The following HS3ST4 variants were observed in gnomAD, a reference collection of about 807,000 sequenced individuals.
HS3ST4 encodes heparan sulfate glucosamine 3-O-sulfotransferase 4.
Under a neutral mutation model 29.2 loss-of-function variants are expected in HS3ST4, and 17 were observed. That is an observed-to-expected ratio of 0.58 (90% CI 0.40 to 0.87). The LOEUF is 0.87. HS3ST4 is among the 40% of genes least tolerant of loss of function. The pLI is 0.00. For missense variants in HS3ST4, 627 were observed against 634.5 expected (o/e 0.99, Z 0.13); for synonymous variants, 314 against 285.7 (o/e 1.10, Z -1.00).
chr16:25,799,220 C>T (rs1253824543), intron 1 of HS3ST4, among the ~76,000 whole-genome samples: 1 of 152,180 alleles, frequency 6.6e-6, no homozygotes, highest in African/African-American at 2.4e-5. Context: ...TTCCATGCCA[C>T]CCACATTCAA....
intron 1 of HS3ST4, among the ~76,000 whole-genome samples, chr16:26,125,553 G>C (rs1282602672): frequency 6.6e-6 from 1 of 152,224 alleles, no homozygotes; most frequent in Admixed American, 6.5e-5. Flanking sequence ...CCAGCGGTTG[G>C]GGACCCCTGC....
At chr16:25,835,530 T>C (rs1007458749) in intron 1 of HS3ST4, among the ~76,000 whole-genome samples, 1 of 152,156 alleles carries the variant, frequency 6.6e-6, no homozygotes. Context: ...GATTGAGCAT[T>C]GTACCTACCA....
chr16:25,994,827 T>C (rs998561581), intron 1 of HS3ST4, among the ~76,000 whole-genome samples: 1 of 152,236 alleles, frequency 6.6e-6, no homozygotes, highest in Admixed American at 6.5e-5. Flanking sequence ...AGAATTATGC[T>C]TTCTTGCCTG....
rs569426907 is a variant in HS3ST4 at position 25,746,552 on chromosome 16, T to C, written c.734+53401T>C. Reference sequence around the variant, plus strand: ...AGTTGATGCCAGCCATCACAATTGGTTGGTTTTTTTTTTTTTTTAGACGGA... The same window carrying C: ...AGTTGATGCCAGCCATCACAATTGGCTGGTTTTTTTTTTTTTTTAGACGGA... On this transcript the variant is annotated intron_variant, in intron 1 of 1. Transcript: ENST00000331351. Among the ~76,000 whole-genome samples the C allele has an allele frequency of 7.7e-5, 11 of 142,216 alleles. No homozygotes were observed. In the East Asian group the frequency reaches 2.1e-3, roughly 27 times the overall value. 93.3% of individuals were successfully genotyped at this position (142,216 alleles called of 152,430 possible). A position where few individuals can be genotyped will look rare whatever the true frequency, so the allele number is the denominator to read the frequency against.
Position 25,871,185 on chromosome 16 carries a change from A to G in HS3ST4, c.734+178034A>G, listed in dbSNP as rs982697837. Among the ~76,000 whole-genome samples, 8 of 152,204 alleles carry G rather than the reference A, an allele frequency of 5.3e-5. No individual in the cohort carries two copies. The South Asian group carries it at 1.4e-3, about 28-fold the overall frequency. On this transcript the variant is annotated intron_variant, in intron 1 of 1. Coordinates refer to ENST00000331351, the MANE Select transcript of HS3ST4 (RefSeq NM_006040.3). ...CAGCGGGGTGATGGAGGTGGCAGGGACAGTCTTCAAGTTGCAACACAGGTC... is the reference window on the plus strand; with the variant it reads ...CAGCGGGGTGATGGAGGTGGCAGGGGCAGTCTTCAAGTTGCAACACAGGTC...
At chr16:25,828,300 C>CA (rs1567249517) in intron 1 of HS3ST4, among the ~76,000 whole-genome samples, 2 of 56,802 alleles carry the variant, frequency 3.5e-5, no homozygotes, top group East Asian at 4.4e-4. Flanking sequence ...TTCTTTCTTT[C>CA]CCTCTCTCTC....
chr16:25,987,049 C>A (rs1969071198), intron 1 of HS3ST4, among the ~76,000 whole-genome samples: 1 of 152,210 alleles, frequency 6.6e-6, no homozygotes, highest in Non-Finnish European at 1.5e-5. Flanking sequence ...GCCCAGGTAG[C>A]CCATTAAAGC....
intron 1 of HS3ST4, among the ~76,000 whole-genome samples, chr16:25,786,311 C>G (rs915492251): frequency 3.4e-4 from 52 of 152,238 alleles, no homozygotes; most frequent in African/African-American, 1.3e-3. Flanking sequence ...AGTCCATGCT[C>G]TGAAACTGAC....
At chr16:26,023,417 TA>T (rs1461895682) in intron 1 of HS3ST4, among the ~76,000 whole-genome samples, 1 of 151,974 alleles carries the variant, frequency 6.6e-6, no homozygotes, top group African/African-American at 2.4e-5. Flanking sequence ...ATTTTTTTTT[TA>T]AGACAGGGTC....
chr16:25,822,253 G>T (rs1167834708), intron 1 of HS3ST4, among the ~76,000 whole-genome samples: 4 of 152,086 alleles, frequency 2.6e-5, no homozygotes, highest in African/African-American at 9.7e-5. Flanking sequence ...CTGGTGTCTG[G>T]TGAGAGCCTG....
chr16:26,026,672 C>A (rs1969477571), intron 1 of HS3ST4, among the ~76,000 whole-genome samples: 1 of 152,172 alleles, frequency 6.6e-6, no homozygotes, highest in Non-Finnish European at 1.5e-5. Context: ...AGCTCCCCAG[C>A]TGATTTCTGC....
At chr16:26,084,780 A>C (rs1015842112) in intron 1 of HS3ST4, among the ~76,000 whole-genome samples, 1 of 150,842 alleles carries the variant, frequency 6.6e-6, no homozygotes, top group Non-Finnish European at 1.5e-5. Context: ...TTTTTTTTTT[A>C]ATTTTATTTT....
At chr16:25,837,027 T>G (rs1020003952) in intron 1 of HS3ST4, among the ~76,000 whole-genome samples, 1 of 152,194 alleles carries the variant, frequency 6.6e-6, no homozygotes, top group Non-Finnish European at 1.5e-5. Flanking sequence ...CCCCAGATCT[T>G]TCCAGGTCAG....
chr16:25,774,589 A>T (rs1355824524), intron 1 of HS3ST4, among the ~76,000 whole-genome samples: 2 of 152,192 alleles, frequency 1.3e-5, no homozygotes, highest in Non-Finnish European at 2.9e-5. Flanking sequence ...GTTACTTATT[A>T]ATATGTCTAT....
rs1183550882 is a variant in HS3ST4 at position 26,058,759 on chromosome 16, C to T, written c.735-76853C>T. 2.6e-5 allele frequency among the ~76,000 whole-genome samples: 4 copies of T among 152,236 alleles called. No homozygotes were observed. The South Asian group carries it at 6.2e-4, about 24-fold the overall frequency. On this transcript the variant is annotated intron_variant, in intron 1 of 1. Coordinates refer to ENST00000331351, the MANE Select transcript of HS3ST4 (RefSeq NM_006040.3). ...TCTGGAATCTTGGCTTTGGAAGCGT[C>T]GTCAGAACACCTGACTCAGTCCCTT...
At chr16:26,133,325 C>T (rs1168726920) in intron 1 of HS3ST4, among the ~76,000 whole-genome samples, 1 of 152,078 alleles carries the variant, frequency 6.6e-6, no homozygotes, top group Non-Finnish European at 1.5e-5. Flanking sequence ...TTTGATGAAA[C>T]ATTAAGGGTC....
chr16:25,873,480 C>CTGTCTA (rs1567261515), intron 1 of HS3ST4, among the ~76,000 whole-genome samples: 3 of 69,872 alleles, frequency 4.3e-5, no homozygotes, highest in Non-Finnish European at 3.4e-5. Flanking sequence ...CCATCTATCT[C>CTGTCTA]TCTATCTATC....
chr16:25,724,499 G>A (rs944855595), intron 1 of HS3ST4, among the ~76,000 whole-genome samples: 11 of 151,834 alleles, frequency 7.2e-5, no homozygotes, highest in Admixed American at 3.3e-4. Flanking sequence ...GAGTAGCTGG[G>A]ACTACAGGTG....
At chr16:25,984,580 C>T (rs1969042443) in intron 1 of HS3ST4, among the ~76,000 whole-genome samples, 1 of 152,184 alleles carries the variant, frequency 6.6e-6, no homozygotes, top group Non-Finnish European at 1.5e-5. Context: ...CCTTGCCCTT[C>T]CATCCTCTAA....
Sources: allele counts gnomAD v4.1 joint callset (sites outside exome capture counted in the v4.1 genomes callset), GRCh38; gene constraint gnomAD v4.1.1; transcripts MANE v1.5; gene names NCBI Gene and HGNC (gene_info 2026-07-23, HGNC 2026-07-21).